BLTP3B: variants seen among roughly 807,000 people sequenced by gnomAD.
The protein encoded by BLTP3B is bridge-like lipid transfer protein family member 3B.
the BLTP3B span, among the ~76,000 whole-genome samples, chr12:100,046,037 C>T: frequency 1.3e-4 from 20 of 152,264 alleles, no homozygotes; most frequent in South Asian, 8.3e-4. Context: ...TACCATCTCA[C>T]GTCAGTTAGA....
chr12:100,054,975 T>C, the BLTP3B span, among the ~76,000 whole-genome samples: 221 of 152,330 alleles, frequency 1.5e-3, 1 homozygote, highest in Middle Eastern at 0.024. Flanking sequence ...ATGTGTTTTA[T>C]AGCACTTGGC....
the BLTP3B span, among the ~76,000 whole-genome samples, chr12:100,116,963 T>C: frequency 6.6e-6 from 1 of 152,084 alleles, no homozygotes; most frequent in East Asian, 1.9e-4. Context: ...GAATTACCAA[T>C]AGCCAAAGCT....
chr12:100,050,290 C>T, the BLTP3B span: 2 of 1,606,996 alleles, frequency 1.2e-6, no homozygotes, highest in African/African-American at 1.3e-5. Context: ...CCCATTAACA[C>T]CAGTAATTTT....
chr12:100,075,853 G>C, the BLTP3B span, among the ~76,000 whole-genome samples: 2 of 152,138 alleles, frequency 1.3e-5, no homozygotes, highest in African/African-American at 4.8e-5. Flanking sequence ...TACAGATGCT[G>C]GTGAGGCTGC....
chr12:100,131,350 T>C, the BLTP3B span, among the ~76,000 whole-genome samples: 7 of 150,908 alleles, frequency 4.6e-5, no homozygotes, highest in African/African-American at 1.7e-4. Context: ...TTTTAAAATA[T>C]ATATATTTTT....
chr12:100,089,894 C>T, the BLTP3B span, among the ~76,000 whole-genome samples: 3 of 152,142 alleles, frequency 2.0e-5, no homozygotes, highest in East Asian at 1.9e-4. Context: ...ATGGGGGTGG[C>T]TTCCCCCATA....
the BLTP3B span, chr12:100,037,821 T>G: frequency 7.1e-7 from 1 of 1,407,534 alleles, no homozygotes; most frequent in Non-Finnish European, 9.6e-7. Context: ...ACTATTTATA[T>G]AGTATCCAAA....
chr12:100,106,264 CAAACATGACTCTATTAAAAAAAA>C, the BLTP3B span, among the ~76,000 whole-genome samples: 1 of 117,312 alleles, frequency 8.5e-6, no homozygotes, highest in East Asian at 2.6e-4. Context: ...GTCCTCATTT[CAAACATGACTCTATTAAAAAAAA>C]AAAAAGACAC....
chr12:100,039,763 C>A, the BLTP3B span: 1 of 1,613,224 alleles, frequency 6.2e-7, no homozygotes, highest in African/African-American at 1.3e-5. Context: ...TCTTTCAAAT[C>A]ATTTCCAGTG....
the BLTP3B span, chr12:100,059,555 T>C: frequency 1.3e-6 from 2 of 1,555,146 alleles, no homozygotes; most frequent in South Asian, 1.3e-5. Flanking sequence ...GAAAAATTAA[T>C]CTCATCCAAC....
the BLTP3B span, among the ~76,000 whole-genome samples, chr12:100,138,237 GC>G: frequency 6.6e-6 from 1 of 152,188 alleles, no homozygotes; most frequent in African/African-American, 2.4e-5. Flanking sequence ...GATTCTAGGA[GC>G]TAGCTGGTTC....
the BLTP3B span, chr12:100,037,697 G>C: frequency 1.9e-6 from 3 of 1,611,130 alleles, no homozygotes; most frequent in Non-Finnish European, 1.7e-6. Context: ...GTGAGCCTCT[G>C]CAAGAGCCAT....
the BLTP3B span, chr12:100,059,044 T>G: frequency 6.2e-7 from 1 of 1,614,142 alleles, no homozygotes; most frequent in East Asian, 2.2e-5. Flanking sequence ...GATACCTGAT[T>G]ACAAGTCTGC....
At chr12:100,134,675 T>C in the BLTP3B span, among the ~76,000 whole-genome samples, 4,139 of 152,070 alleles carry the variant, frequency 0.027, 176 homozygotes, top group African/African-American at 0.092. Context: ...AAACTCCTGA[T>C]CTTCTCCCAT....
chr12:100,102,094 C>G, the BLTP3B span, among the ~76,000 whole-genome samples: 1 of 151,034 alleles, frequency 6.6e-6, no homozygotes, highest in Non-Finnish European at 1.5e-5. Context: ...GCCACTACAC[C>G]GAGCCCAACT....
chr12:100,058,803 A>G, the BLTP3B span: 1 of 1,614,018 alleles, frequency 6.2e-7, no homozygotes, highest in South Asian at 1.1e-5. Context: ...AAGTAGAAGC[A>G]GATACTGGTA....
At chr12:100,070,017 G>A in the BLTP3B span, 1 of 1,250,776 alleles carries the variant, frequency 8.0e-7, no homozygotes, top group Non-Finnish European at 1.0e-6. Flanking sequence ...CAGGGGCAAA[G>A]GGGAGCAGTG....
chr12:100,088,672 A>T, the BLTP3B span, among the ~76,000 whole-genome samples: 1 of 152,312 alleles, frequency 6.6e-6, no homozygotes, highest in Admixed American at 6.5e-5. Context: ...TGATTTTTTT[A>T]AAGCTAATTT....
At chr12:100,059,484 C>T in the BLTP3B span, 18 of 1,609,116 alleles carry the variant, frequency 1.1e-5, no homozygotes, top group African/African-American at 4.0e-5. Flanking sequence ...AGAAATTGCA[C>T]GTGGCTGATC....
Sources: allele counts gnomAD v4.1 joint callset (sites outside exome capture counted in the v4.1 genomes callset), GRCh38; gene constraint gnomAD v4.1.1; transcripts MANE v1.5; gene names NCBI Gene and HGNC (gene_info 2026-07-23, HGNC 2026-07-21).